Variants in DIP2C observed in about 807,000 individuals in gnomAD.
DIP2C encodes disco-interacting protein 2 homolog C.
DIP2C carries 33 observed loss-of-function variants against 192.4 expected under a neutral mutation model. That is an observed-to-expected ratio of 0.17 (90% CI 0.13 to 0.23). The LOEUF (loss-of-function observed/expected upper bound fraction) is 0.23, where lower values mean the gene tolerates loss of function less well. Ranked by LOEUF, DIP2C falls within the 10% of genes least tolerant of loss-of-function variation. DIP2C has a pLI of 1.00. For synonymous variants in DIP2C, 979 were observed against 864.1 expected, an observed-to-expected ratio of 1.13 and a Z score of -2.33; for missense variants, 1,537 against 2,110.1, an observed-to-expected ratio of 0.73 and a Z score of 5.32.
At chr10:509,488 C>T (rs1337576598) in intron 1 of DIP2C, among the ~76,000 whole-genome samples, 2 of 152,186 alleles carry the variant, frequency 1.3e-5, no homozygotes, top group Non-Finnish European at 2.9e-5. Flanking sequence ...ACCCCAAAGA[C>T]AGACTACGGA....
intron 1 of DIP2C, among the ~76,000 whole-genome samples, chr10:580,278 A>G (rs1198946620): frequency 1.3e-5 from 2 of 152,164 alleles, no homozygotes; most frequent in East Asian, 1.9e-4. Context: ...TACATAGTGT[A>G]TGTACATATG....
At chr10:467,573 A>G (rs1970322880) in intron 3 of DIP2C, among the ~76,000 whole-genome samples, 1 of 146,916 alleles carries the variant, frequency 6.8e-6, no homozygotes, top group Admixed American at 6.6e-5. Flanking sequence ...TGTAAAAAAA[A>G]AAAAAAAAGA....
At chr10:679,446 A>G (rs1241008780) in intron 1 of DIP2C, among the ~76,000 whole-genome samples, 1 of 52,960 alleles carries the variant, frequency 1.9e-5, no homozygotes, top group Non-Finnish European at 3.4e-5. Flanking sequence ...CCCCACACCC[A>G]GGCTCCCTGC....
intron 1 of DIP2C, among the ~76,000 whole-genome samples, chr10:547,354 G>A (rs1848337771): frequency 1.3e-5 from 2 of 152,206 alleles, no homozygotes; most frequent in Admixed American, 6.5e-5. Flanking sequence ...CTGCTTATGT[G>A]CCAGCCAAGT....
intron 1 of DIP2C, among the ~76,000 whole-genome samples, chr10:590,480 T>C (rs926798507): frequency 7.9e-5 from 12 of 152,318 alleles, no homozygotes; most frequent in African/African-American, 2.4e-4. Context: ...GTGAGGAACT[T>C]GCTGGTATCT....
chr10:374,036 C>T lies in DIP2C; in HGVS notation c.1992-4403G>A, dbSNP rs918151840. Among the ~76,000 whole-genome samples the T allele has an allele frequency of 2.0e-5, 3 of 152,222 alleles. No individual in the cohort carries two copies. The South Asian group carries it at 6.2e-4, about 31-fold the overall frequency. ...TCACCCCAACAACCTGGTGTTGGAT[C>T]TGATCACCCCAACATTCTAAAACTC... On this transcript the variant is annotated intron_variant, in intron 17 of 36. Transcript: ENST00000280886.
At chr10:321,601 GCGC>G (rs1957026868) in intron 31 of DIP2C, among the ~76,000 whole-genome samples, 4 of 143,952 alleles carry the variant, frequency 2.8e-5, no homozygotes, top group South Asian at 2.3e-4. Context: ...CGAGAGACCG[GCGC>G]TGTTAGAACA....
chr10:422,590 C>A (rs531162928), intron 5 of DIP2C, among the ~76,000 whole-genome samples: 3 of 152,286 alleles, frequency 2.0e-5, no homozygotes, highest in Admixed American at 6.5e-5. Flanking sequence ...GGAGCGGATA[C>A]GGCTGCAGGA....
intron 1 of DIP2C, among the ~76,000 whole-genome samples, chr10:570,525 T>C (rs1849724858): frequency 1.3e-5 from 2 of 152,130 alleles, no homozygotes; most frequent in Admixed American, 1.3e-4. Context: ...CCCAGAGGCC[T>C]GCGCTCTTCC....
chr10:413,925 T>C lies in DIP2C; in HGVS notation c.1045A>G (p.Ile349Val), dbSNP rs201147211. ...TMDTNGKPLY[I>V]LTYGKLWTRS... ...GCCTGGGGATTACCGTAAGTGAGGA[T>C]GTAGAGGGGCTTCCCGTTGGTGTCC... Residue 349 changes from isoleucine (I) to valine (V), a missense_variant, in exon 8 of 37, where the codon ATC becomes GTC. By Grantham distance (29) the Ile-to-Val change is conservative. This residue lies in a region of DIP2C where 473 missense variants were observed against 539.6 expected (regional missense o/e 0.88). Transcript: ENST00000280886. The C allele has an allele frequency of 3.1e-6, 5 of 1,613,958 alleles. No individual in the cohort carries two copies. The highest frequency in any genetic ancestry group is 3.4e-6 in the Non-Finnish European group (4 of 1,179,916).
intron 17 of DIP2C, among the ~76,000 whole-genome samples, chr10:379,888 T>G (rs188498370): frequency 6.9e-6 from 1 of 145,842 alleles, no homozygotes; most frequent in Non-Finnish European, 1.5e-5. Context: ...ATGGTTAACG[T>G]GCAGAAGAGG....
At chr10:294,705 A>G (rs1238573130) in intron 32 of DIP2C, among the ~76,000 whole-genome samples, 2 of 152,124 alleles carry the variant, frequency 1.3e-5, no homozygotes, top group African/African-American at 4.8e-5. Flanking sequence ...CATGACATTC[A>G]CTTGCATCGA....
intron 1 of DIP2C, among the ~76,000 whole-genome samples, chr10:493,848 C>G (rs982614258): frequency 6.6e-6 from 1 of 152,234 alleles, no homozygotes; most frequent in Non-Finnish European, 1.5e-5. Flanking sequence ...TCAGCAAGTC[C>G]GAGATGCCCA....
In DIP2C at chr10:348,722, T is replaced by G; in HGVS notation, c.3150A>C (p.Ala1050=). 1.2e-6 allele frequency: 2 copies of G among 1,613,866 alleles called. No homozygotes were observed. The highest frequency in any genetic ancestry group is 1.7e-6 in the Non-Finnish European group (2 of 1,179,944). ...GACGGACGGTTATTGGCACACAGCC[T>G]GCGTACAGGCAACCATAAAACGCTG... is the stretch of plus-strand genomic sequence containing the variant. ...LIAAFYGCLY[A]GCVPITVRPP... Residue 1050 remains alanine (A), a synonymous_variant, in exon 26 of 37, where the codon GCA becomes GCC. Transcript: ENST00000280886.
At chr10:350,872 TCCTGACCTCATGATCCGCCCGC>T (rs1042455883) in intron 24 of DIP2C, among the ~76,000 whole-genome samples, 5 of 152,186 alleles carry the variant, frequency 3.3e-5, no homozygotes, top group Admixed American at 1.3e-4. Flanking sequence ...GGTCTTGAAC[TCCTGACCTCATGATCCGCCCGC>T]CTTGGCCTCC....
At chr10:519,500 A>C (rs1452954765) in intron 1 of DIP2C, among the ~76,000 whole-genome samples, 1 of 151,954 alleles carries the variant, frequency 6.6e-6, no homozygotes, top group Non-Finnish European at 1.5e-5. Flanking sequence ...CCCCTCCCCC[A>C]CACATACATG....
chr10:600,251 C>CTG (rs1267590360), intron 1 of DIP2C, among the ~76,000 whole-genome samples: 1 of 152,210 alleles, frequency 6.6e-6, no homozygotes, highest in Non-Finnish European at 1.5e-5. Flanking sequence ...CCAGGTTCCT[C>CTG]TGGAGTCACT....
intron 1 of DIP2C, among the ~76,000 whole-genome samples, chr10:508,129 CCA>C (rs34732244): frequency 0.28 from 42,968 of 151,996 alleles, 7,636 homozygotes; most frequent in Non-Finnish European, 0.4. Context: ...CTCCCTCACG[CCA>C]CAGAGGAGCT....
At chr10:648,634 C>T (rs1349840789) in intron 1 of DIP2C, among the ~76,000 whole-genome samples, 4 of 150,956 alleles carry the variant, frequency 2.6e-5, no homozygotes, top group African/African-American at 9.8e-5. Context: ...CAGAGGGAAA[C>T]TGAGTCCACG....
Sources: gnomAD v4.1 joint callset for allele counts (sites outside exome capture counted in the v4.1 genomes callset) on GRCh38, gnomAD v4.1.1 for gene constraint, gnomAD v4.1.1 regional missense constraint, MANE v1.5 for transcripts, NCBI Gene and HGNC (gene_info 2026-07-23, HGNC 2026-07-21) for gene names.